Variants in FNIP2 observed in about 807,000 individuals in gnomAD.
The protein encoded by FNIP2 is folliculin-interacting protein 2.
Under a neutral mutation model 108.7 loss-of-function variants are expected in FNIP2, and 32 were observed. That is an observed-to-expected ratio of 0.29 (90% CI 0.22 to 0.40). The LOEUF is 0.40. Among genes scored for constraint, FNIP2 ranks in the 10% least tolerant of loss-of-function variants. FNIP2 has a pLI of 1.00. For synonymous variants in FNIP2, 480 were observed against 496.7 expected (o/e 0.97, Z 0.45); for missense variants, 1,202 against 1,381.6 (o/e 0.87, Z 2.06).
intron 1 of FNIP2, among the ~76,000 whole-genome samples, chr4:158,798,576 C>T (rs567843396): frequency 3.3e-5 from 5 of 152,280 alleles, no homozygotes; most frequent in South Asian, 2.1e-4. Context: ...ATAAAGGTGG[C>T]AGGGGTTTGG....
At chr4:158,822,034 A>G (rs2881547) in intron 1 of FNIP2, among the ~76,000 whole-genome samples, 45,685 of 151,928 alleles carry the variant, frequency 0.3, 7,513 homozygotes, top group Non-Finnish European at 0.38. Flanking sequence ...GCTATGGTGA[A>G]CCGAGATGGC....
chr4:158,815,322 C>T (rs373015774), intron 1 of FNIP2, among the ~76,000 whole-genome samples: 80 of 151,398 alleles, frequency 5.3e-4, no homozygotes, highest in African/African-American at 1.8e-3. Context: ...AAGCCTTTCC[C>T]TTTGCTCTGT....
intron 1 of FNIP2, among the ~76,000 whole-genome samples, chr4:158,822,553 A>G (rs1560777764): frequency 6.6e-6 from 1 of 152,072 alleles, no homozygotes; most frequent in African/African-American, 2.4e-5. Flanking sequence ...GTCGGAGTGC[A>G]GTGGTATGAT....
rs1782208131 is a variant in FNIP2, at chr4:158,890,114, G to T, written c.2950-1332G>T. ...ACTGTCTTGGGAAACTGGGCTTTAT[G>T]AATTCAAAAATATACTTTATCAAAT... is the stretch of plus-strand genomic sequence containing the variant. On this transcript the variant is annotated intron_variant, in intron 14 of 16. Transcript: ENST00000264433. 4.1e-6 allele frequency: 4 copies of T among 985,214 alleles called. No homozygotes were observed. In the South Asian group the frequency reaches 1.4e-4, roughly 35 times the overall value. The allele number at this position is 985,214 out of a possible 1,614,324, so 61.0% of individuals were successfully genotyped here.
At chr4:158,810,399 T>C (rs1777206216) in intron 1 of FNIP2, among the ~76,000 whole-genome samples, 1 of 152,228 alleles carries the variant, frequency 6.6e-6, no homozygotes, top group Admixed American at 6.5e-5. Flanking sequence ...CACACGTTCT[T>C]CTGCGCTTCC....
intron 1 of FNIP2, among the ~76,000 whole-genome samples, chr4:158,801,838 A>T (rs1776773510): frequency 6.6e-6 from 1 of 152,196 alleles, no homozygotes; most frequent in South Asian, 2.1e-4. Context: ...CTGAACTGGT[A>T]TCGTGAGGAT....
intron 8 of FNIP2, among the ~76,000 whole-genome samples, chr4:158,855,601 C>G (rs558462578): frequency 6.6e-6 from 1 of 152,230 alleles, no homozygotes; most frequent in Non-Finnish European, 1.5e-5. Flanking sequence ...GCGTGTGCCA[C>G]CATGCCCAGC....
chr4:158,813,120 C>G (rs1014481217), intron 1 of FNIP2, among the ~76,000 whole-genome samples: 10 of 152,168 alleles, frequency 6.6e-5, no homozygotes, highest in Non-Finnish European at 1.0e-4. Context: ...TCTTTGCGTA[C>G]TGAAGGATGT....
rs557391085 is a variant in FNIP2, at chr4:158,826,241, A to T, written c.234+199A>T. Among the ~76,000 whole-genome samples the T allele has an allele frequency of 8.5e-5, 13 of 152,340 alleles. No homozygotes were observed. The South Asian group carries it at 2.3e-3, about 27-fold the overall frequency. ...GGCATGAGTATGCTCACTGCTAAAC[A>T]CAAGTGAAACTGTTAGCAAGTAATC... On this transcript the variant is annotated intron_variant, in intron 2 of 16. Coordinates refer to ENST00000264433, the MANE Select transcript of FNIP2 (RefSeq NM_020840.3).
intron 5 of FNIP2, among the ~76,000 whole-genome samples, 173 bp downstream of exon 5, chr4:158,832,311 C>G (rs970871823): frequency 6.6e-6 from 1 of 152,128 alleles, no homozygotes; most frequent in Non-Finnish European, 1.5e-5. Context: ...GGGAAAAGAC[C>G]TTTGACTTTA....
intron 1 of FNIP2, among the ~76,000 whole-genome samples, chr4:158,819,143 T>C (rs915393224): frequency 3.3e-5 from 5 of 152,230 alleles, no homozygotes; most frequent in Admixed American, 1.3e-4. Flanking sequence ...TTTCTGTTCC[T>C]GGTACCTTTC....
intron 7 of FNIP2, among the ~76,000 whole-genome samples, chr4:158,844,386 C>T (rs1779289536): frequency 6.6e-6 from 1 of 152,132 alleles, no homozygotes; most frequent in Non-Finnish European, 1.5e-5. Flanking sequence ...CTGGGATGTC[C>T]TCCCTTTGAG....
intron 1 of FNIP2, among the ~76,000 whole-genome samples, chr4:158,801,440 G>A (rs930645973): frequency 4.6e-5 from 7 of 152,146 alleles, no homozygotes; most frequent in African/African-American, 1.7e-4. Flanking sequence ...CTCCTCCTTA[G>A]CCCCTTCCCA....
chr4:158,861,293 A>G (rs1464873876), intron 10 of FNIP2, 49 bp from the exon 11 acceptor site: 1 of 1,566,964 alleles, frequency 6.4e-7, no homozygotes, highest in African/African-American at 1.4e-5. Context: ...AGATTATCCA[A>G]AATAGTATTT....
chr4:158,890,834 A>C (rs1279623856), intron 14 of FNIP2, among the ~76,000 whole-genome samples: 1 of 152,172 alleles, frequency 6.6e-6, no homozygotes, highest in East Asian at 1.9e-4. Flanking sequence ...GCTGGTGCCA[A>C]CCATTTTTGG....
chr4:158,887,274 C>T (rs1049548153), intron 14 of FNIP2, among the ~76,000 whole-genome samples: 2 of 152,108 alleles, frequency 1.3e-5, no homozygotes, highest in Non-Finnish European at 2.9e-5. Context: ...ATGTATGAAA[C>T]CTGCTATGCA....
intron 16 of FNIP2, among the ~76,000 whole-genome samples, chr4:158,898,279 C>T (rs1782872254): frequency 6.6e-6 from 1 of 152,152 alleles, no homozygotes; most frequent in Admixed American, 6.5e-5. Context: ...CATGATGCCT[C>T]CAGCTTTGTT....
At chr4:158,890,335 T>C (rs1782216869) in intron 14 of FNIP2, 1 of 985,326 alleles carries the variant, frequency 1.0e-6, no homozygotes, top group Admixed American at 6.1e-5. Flanking sequence ...TTTTTCCTAC[T>C]ATTTTTCCTA....
At chr4:158,771,961 A>C (rs1189752859) in intron 1 of FNIP2, among the ~76,000 whole-genome samples, 2 of 152,192 alleles carry the variant, frequency 1.3e-5, no homozygotes, top group African/African-American at 4.8e-5. Context: ...TCTGTTGTCC[A>C]ATATAACTAG....
Sources: gnomAD v4.1 joint callset for allele counts (sites outside exome capture counted in the v4.1 genomes callset) on GRCh38, gnomAD v4.1.1 for gene constraint, MANE v1.5 for transcripts, NCBI Gene and HGNC (gene_info 2026-07-23, HGNC 2026-07-21) for gene names.